The following PLK4 variants were observed in gnomAD, a reference collection of about 807,000 sequenced individuals.
PLK4 encodes the protein serine/threonine-protein kinase PLK4.
Under a neutral mutation model 103.0 loss-of-function variants are expected in PLK4, and 51 were observed. That is an observed-to-expected ratio of 0.50 (90% CI 0.40 to 0.63). PLK4 has a LOEUF of 0.63. Among genes scored for constraint, PLK4 ranks in the 20% least tolerant of loss-of-function variants. PLK4 has a pLI of 0.00. For missense variants in PLK4, 1,054 were observed against 1,151.0 expected, an observed-to-expected ratio of 0.92 and a Z score of 1.22; for synonymous variants, 389 against 376.8, an observed-to-expected ratio of 1.03 and a Z score of -0.38.
rs774028113 is a variant in PLK4 at position 127,890,130 on chromosome 4, G to T, written c.1724G>T (p.Gly575Val). The change falls in exon 7 of 16, where the codon GGT becomes GTT. Residue 575 changes from glycine to valine, a missense_variant. By Grantham distance (109) the Gly-to-Val change is moderately radical. Transcript: ENST00000270861. Reference sequence around the variant, plus strand: ...CTTTCTGAACAGAGCAAGACTAGGGGTATGGAGCCACCATGGGGTTATCAG... The same window carrying T: ...CTTTCTGAACAGAGCAAGACTAGGGTTATGGAGCCACCATGGGGTTATCAG... ...DPLSEQSKTR[G>V]MEPPWGYQNR... The T allele has an allele frequency of 1.1e-5, 17 of 1,613,732 alleles. No individual in the cohort carries two copies. In the Admixed American group the frequency reaches 2.5e-4, roughly 24 times the overall value.
At chr4:127,895,553 C>T (rs1028260318) in intron 14 of PLK4, among the ~76,000 whole-genome samples, 13 of 142,148 alleles carry the variant, frequency 9.1e-5, no homozygotes, top group Non-Finnish European at 1.5e-4. Context: ...TCCCGAGTAG[C>T]TGGGACTACA....
At chr4:127,889,294 A>G (rs768921077) in intron 6 of PLK4, among the ~76,000 whole-genome samples, 19 of 152,210 alleles carry the variant, frequency 1.2e-4, no homozygotes, top group Non-Finnish European at 2.4e-4. Flanking sequence ...AAACCATACA[A>G]AATAAAAATT....
Position 127,891,214 on chromosome 4 carries a change from T to TA in PLK4, c.1935+19dup. 1 of 1,181,874 alleles carries TA rather than the reference T, an allele frequency of 8.5e-7. No individual in the cohort carries two copies. Among genetic ancestry groups the TA allele is most frequent in the Non-Finnish European group, 1.2e-6 (1 of 810,732 alleles). 73.2% of individuals were successfully genotyped at this position (1,181,874 alleles called of 1,614,324 possible). ...GAAATACGGTAATGTGTAGTTACTT[T>TA]ATTACCTTGCAACTTCAAATTATCG... On this transcript the variant is annotated intron_variant, in intron 8 of 15. Coordinates refer to ENST00000270861, the MANE Select transcript of PLK4 (RefSeq NM_014264.5).
chr4:127,893,119 C>A, intron 10 of PLK4, 166 bp from the exon 11 acceptor site: 1 of 461,674 alleles, frequency 2.2e-6, no homozygotes, highest in Non-Finnish European at 3.8e-6. Context: ...ATGGATGATC[C>A]ATATTTATTG....
Position 127,892,475 on chromosome 4 carries a change from A to T in PLK4, c.2149A>T (p.Asn717Tyr). Residue 717 changes from asparagine (N) to tyrosine (Y), a missense_variant, in exon 10 of 16, where the codon AAT becomes TAT. By Grantham distance (143) the Asn-to-Tyr change is moderately radical (BLOSUM62 -2). This residue lies in a region of PLK4 where 680 missense variants were observed against 660.3 expected (regional missense o/e 1.03). Coordinates refer to ENST00000270861, the MANE Select transcript of PLK4 (RefSeq NM_014264.5). ...ATATGCTAAATGCATTTTGATGGAGAATTCTCCTGGTGCTGATTTTGAGGT... is the reference window on the plus strand; with the variant it reads ...ATATGCTAAATGCATTTTGATGGAGTATTCTCCTGGTGCTGATTTTGAGGT... ...TRYAKCILME[N>Y]SPGADFEVWF... is the part of the protein sequence containing the mutation. The T allele has an allele frequency of 6.2e-7, 1 of 1,602,066 alleles. No homozygotes were observed. The highest frequency in any genetic ancestry group is 8.5e-7 in the Non-Finnish European group (1 of 1,174,756).
intron 6 of PLK4, among the ~76,000 whole-genome samples, chr4:127,888,295 A>G (rs761168248): frequency 2.0e-5 from 3 of 150,496 alleles, no homozygotes; most frequent in Non-Finnish European, 3.0e-5. Flanking sequence ...AATGTTTAAC[A>G]TATATTAAGT....
At chr4:127,888,177 C>CAA (rs58491426) in intron 6 of PLK4, among the ~76,000 whole-genome samples, 3,122 of 33,196 alleles carry the variant, frequency 0.094, 1,184 homozygotes, top group Non-Finnish European at 0.12. Context: ...TAGACTGTCT[C>CAA]AAAAAAAAAA....
chr4:127,889,163 C>A (rs925298079), intron 6 of PLK4, among the ~76,000 whole-genome samples: 13 of 151,682 alleles, frequency 8.6e-5, no homozygotes, highest in African/African-American at 3.1e-4. Context: ...ACTAAAAAGT[C>A]ATTTAAGAAA....
At chr4:127,887,966 G>A (rs1156595165) in intron 6 of PLK4, among the ~76,000 whole-genome samples, 1 of 150,470 alleles carries the variant, frequency 6.6e-6, no homozygotes, top group East Asian at 1.9e-4. Context: ...GGTAACTTGA[G>A]GTCAGGCATT....
chr4:127,883,407 AT>A (rs1560691286), intron 3 of PLK4, 31 bp from the exon 4 acceptor site: 2 of 1,397,306 alleles, frequency 1.4e-6, no homozygotes, highest in Non-Finnish European at 2.0e-6. Flanking sequence ...ATTTTTGTAT[AT>A]TTTAATTTAT....
chr4:127,887,378 T>TTTTG lies in PLK4; in HGVS notation c.1359-6_1359-3dup, dbSNP rs547344376. The TTTTG allele has an allele frequency of 2.9e-5, 42 of 1,465,142 alleles. No homozygotes were observed. Among genetic ancestry groups the TTTTG allele is most frequent in the Non-Finnish European group, 2.3e-5 (24 of 1,058,498 alleles). The allele number at this position is 1,465,142 out of a possible 1,614,324, so 90.8% of individuals were successfully genotyped here. A position where few individuals can be genotyped will look rare whatever the true frequency, so the allele number is the denominator to read the frequency against. On this transcript the variant is annotated splice_polypyrimidine_tract_variant and intron_variant, in intron 5 of 15. Transcript: ENST00000270861. ...AATTTTTTATTAGTTTATGGGATTT[T>TTTTG]TTTGTTTGTTTGTTTAGCTCCAATC...
chr4:127,885,938 C>G lies in PLK4; in HGVS notation c.568C>G (p.Leu190Val). The G allele has an allele frequency of 6.2e-7, 1 of 1,614,144 alleles. No individual in the cohort carries two copies. The highest frequency in any genetic ancestry group is 8.5e-7 in the Non-Finnish European group (1 of 1,180,014). Residue 190 changes from leucine to valine, a missense_variant, in exon 5 of 16, where the codon CTT becomes GTT. Transcript: ENST00000270861. Reference protein sequence around the residue: ...PEIATRSAHGLESDVWSLGCM... With the variant: ...PEIATRSAHGVESDVWSLGCM... ...AATTGCCACTCGAAGTGCACATGGC[C>G]TTGAATCTGATGTTTGGTCCCTGGG...
In PLK4 at chr4:127,896,929, C is replaced by A; in HGVS notation, c.2810+22C>A. On this transcript the variant is annotated intron_variant, in intron 15 of 15. Transcript: ENST00000270861. ...CTAGGTAAGTTCTTAAAATACTGGTCGAGATTCAGCCCTTTGCTATAATTT... is the reference window on the plus strand; with the variant it reads ...CTAGGTAAGTTCTTAAAATACTGGTAGAGATTCAGCCCTTTGCTATAATTT... 4.2e-6 allele frequency: 5 copies of A among 1,204,396 alleles called. No individual in the cohort carries two copies. In the South Asian group the frequency reaches 6.3e-5, roughly 15 times the overall value. The allele number at this position is 1,204,396 out of a possible 1,614,324, so 74.6% of individuals were successfully genotyped here.
intron 1 of PLK4, 97 bp from the exon 2 acceptor site, chr4:127,881,734 T>G (rs1175289084): frequency 2.6e-6 from 2 of 763,456 alleles, no homozygotes. Flanking sequence ...TTTGTCAAAT[T>G]CCCCACTCGA....
In PLK4 at chr4:127,896,901, CAACTAGGT is replaced by C; in HGVS notation, c.2807_2810+4del. 1 of 1,566,338 alleles carries C rather than the reference CAACTAGGT, an allele frequency of 6.4e-7. No homozygotes were observed. Among genetic ancestry groups the C allele is most frequent in the Non-Finnish European group, 8.8e-7 (1 of 1,137,378 alleles). ...AGTTATACCTCACCAAATGGTCAAA[CAACTAGGT>C]AAGTTCTTAAAATACTGGTCGAGAT... On this transcript the variant is annotated splice_donor_variant and coding_sequence_variant, in exon 15 of 16. Coordinates refer to ENST00000270861, the MANE Select transcript of PLK4 (RefSeq NM_014264.5). LOFTEE classifies it high-confidence loss of function.
chr4:127,896,126 C>A (rs914751496), intron 14 of PLK4, among the ~76,000 whole-genome samples: 1 of 152,154 alleles, frequency 6.6e-6, no homozygotes, highest in Non-Finnish European at 1.5e-5. Context: ...CATACTTTGT[C>A]TAGTTTATCC....
chr4:127,881,335 G>T (rs1307224735), intron 1 of PLK4, 171 bp downstream of exon 1: 1 of 1,466,436 alleles, frequency 6.8e-7, no homozygotes, highest in African/African-American at 1.4e-5. Context: ...GGAGCGGCCC[G>T]CCCCTCAAGA....
At chr4:127,896,937 A>C (rs1364508676) in intron 15 of PLK4, 30 bp downstream of exon 15, 15 of 1,129,854 alleles carry the variant, frequency 1.3e-5, no homozygotes, top group Non-Finnish European at 2.0e-5. Flanking sequence ...GTCGAGATTC[A>C]GCCCTTTGCT....
At chr4:127,891,516 A>G in intron 8 of PLK4, 63 bp from the exon 9 acceptor site, 2 of 597,178 alleles carry the variant, frequency 3.3e-6, no homozygotes, top group Non-Finnish European at 5.9e-6. Context: ...TATACGTTTT[A>G]GCAAGATATA....
Sources: gnomAD v4.1 joint callset for allele counts (sites outside exome capture counted in the v4.1 genomes callset) on GRCh38, gnomAD v4.1.1 for gene constraint, gnomAD v4.1.1 regional missense constraint, MANE v1.5 for transcripts, NCBI Gene and HGNC (gene_info 2026-07-23, HGNC 2026-07-21) for gene names.